Variants in SIK3 observed in about 807,000 individuals in gnomAD.
SIK3 encodes the protein SIK family kinase 3.
Under a neutral mutation model 144.2 loss-of-function variants are expected in SIK3, and 28 were observed. The observed-to-expected ratio is 0.19, with a 90% CI of 0.14 to 0.27. The LOEUF (loss-of-function observed/expected upper bound fraction) is 0.27. SIK3 is among the 10% of genes least tolerant of loss of function. The pLI, the probability that SIK3 is intolerant of heterozygous loss-of-function variation, is 1.00. For synonymous variants in SIK3, 686 were observed against 676.3 expected (o/e 1.01, Z -0.22); for missense variants, 1,319 against 1,776.0 (o/e 0.74, Z 4.62).
chr11:117,022,196 T>C (rs1951808710), intron 1 of SIK3, among the ~76,000 whole-genome samples: 1 of 152,058 alleles, frequency 6.6e-6, no homozygotes, highest in South Asian at 2.1e-4. Context: ...TGTCTAGAGA[T>C]TGACTGGAAA....
chr11:116,882,516 G>A (rs1046124921), intron 6 of SIK3, among the ~76,000 whole-genome samples: 4 of 152,160 alleles, frequency 2.6e-5, no homozygotes, highest in Non-Finnish European at 4.4e-5. Flanking sequence ...ACAGAACATG[G>A]CAAAACAATC....
chr11:116,950,035 G>A, intron 3 of SIK3: 2 of 457,356 alleles, frequency 4.4e-6, no homozygotes, highest in Non-Finnish European at 8.9e-6. Flanking sequence ...GCAGCCTGGG[G>A]TCCTCTCAGC....
At chr11:117,042,795 G>C (rs1294360495) in intron 1 of SIK3, among the ~76,000 whole-genome samples, 1 of 152,172 alleles carries the variant, frequency 6.6e-6, no homozygotes, top group Non-Finnish European at 1.5e-5. Flanking sequence ...AAAATGTTAA[G>C]ACTCATTCAA....
chr11:117,030,992 A>G (rs1214202686), intron 1 of SIK3, among the ~76,000 whole-genome samples: 1 of 152,062 alleles, frequency 6.6e-6, no homozygotes, highest in Non-Finnish European at 1.5e-5. Context: ...CTGTTTTCTA[A>G]TTGGATTACT....
chr11:117,030,261 G>A (rs1164120099), intron 1 of SIK3, among the ~76,000 whole-genome samples: 1 of 152,174 alleles, frequency 6.6e-6, no homozygotes, highest in Non-Finnish European at 1.5e-5. Flanking sequence ...CTCTAAGAAT[G>A]TATTGTAAGG....
At chr11:116,997,570 T>G (rs1353686020) in intron 1 of SIK3, among the ~76,000 whole-genome samples, 1 of 152,246 alleles carries the variant, frequency 6.6e-6, no homozygotes, top group African/African-American at 2.4e-5. Flanking sequence ...TTTATTAATT[T>G]ATATTTTGCT....
At chr11:116,946,482 A>G (rs1480890940) in intron 3 of SIK3, among the ~76,000 whole-genome samples, 1 of 152,164 alleles carries the variant, frequency 6.6e-6, no homozygotes, top group African/African-American at 2.4e-5. Context: ...AGTCGGGTCC[A>G]TTATAGGAGA....
chr11:117,072,638 A>C (rs1351452), intron 1 of SIK3, among the ~76,000 whole-genome samples: 129,211 of 152,152 alleles, frequency 0.85, 55,489 homozygotes, highest in Non-Finnish European at 0.89. Context: ...GAAAATGTGA[A>C]TGGGTTATCA....
At chr11:116,962,339 G>A (rs56134734) in intron 1 of SIK3, among the ~76,000 whole-genome samples, 24,655 of 152,130 alleles carry the variant, frequency 0.16, 2,118 homozygotes, top group Admixed American at 0.21. Flanking sequence ...ACGAGAAAGA[G>A]GATCTCCTTA....
Position 116,858,378 on chromosome 11 carries a change from G to A in SIK3, c.3087C>T (p.Gly1029=). The A allele has an allele frequency of 6.2e-7, 1 of 1,613,738 alleles. No homozygotes were observed. The highest frequency in any genetic ancestry group is 8.5e-7 in the Non-Finnish European group (1 of 1,179,828). The change falls in exon 21 of 25, where the codon GGC becomes GGT. Residue 1029 remains glycine (G), a synonymous_variant. Coordinates refer to ENST00000445177, the MANE Select transcript of SIK3 (RefSeq NM_001366686.3). This position sits in a 1 kb window ranked among gnomAD's most constrained non-coding sequence, Gnocchi z 5.4. ...GLLSPRHSLT[G]HSDIRLPPTE... is the part of the protein sequence containing the mutation. ...TTGGGGGCAGCCGGATGTCCGAGTG[G>A]CCGGTGAGCGAATGCCGGGGAGAAA...
intron 3 of SIK3, among the ~76,000 whole-genome samples, chr11:116,945,195 G>A (rs569809979): frequency 1.3e-5 from 2 of 151,748 alleles, no homozygotes; most frequent in Admixed American, 1.3e-4. Context: ...TCCTGACCTC[G>A]TGATCCGCCC....
chr11:116,948,321 A>T (rs1408806116), intron 3 of SIK3, among the ~76,000 whole-genome samples: 1 of 152,022 alleles, frequency 6.6e-6, no homozygotes, highest in East Asian at 1.9e-4. Context: ...TCTGTTGCCC[A>T]GGCTGAAATG....
intron 11 of SIK3, 115 bp from the exon 12 acceptor site, chr11:116,874,171 G>T (rs1944121876): frequency 9.2e-7 from 1 of 1,085,708 alleles, no homozygotes; most frequent in Non-Finnish European, 1.3e-6. Flanking sequence ...TTTTCTTCCT[G>T]AATTTATGTT....
chr11:116,894,920 A>G (rs972241280), intron 6 of SIK3, among the ~76,000 whole-genome samples: 9 of 152,238 alleles, frequency 5.9e-5, no homozygotes, highest in Non-Finnish European at 1.3e-4. Context: ...CCTACCGGCA[A>G]CATAGCAGCC....
rs1374912612 is a variant in SIK3, at chr11:117,082,120, C to CA, written c.273+16022dup. Among the ~76,000 whole-genome samples the CA allele has an allele frequency of 5.3e-5, 8 of 151,480 alleles. No homozygotes were observed. The East Asian group carries it at 7.7e-4, about 15-fold the overall frequency. ...TCACATCCACTAGGATGGCTAAAAT[C>CA]AAAAAAAAGAAAATAAGTTTTGGAT... is the stretch of plus-strand genomic sequence containing the variant. On this transcript the variant is annotated intron_variant, in intron 1 of 24. Coordinates refer to ENST00000445177, the MANE Select transcript of SIK3 (RefSeq NM_001366686.3).
intron 3 of SIK3, among the ~76,000 whole-genome samples, chr11:116,936,460 G>A (rs1012934312): frequency 6.6e-6 from 1 of 152,196 alleles, no homozygotes; most frequent in African/African-American, 2.4e-5. Flanking sequence ...ACAGGCGTGA[G>A]CCACAGCACC....
At chr11:116,931,984 C>T (rs1367185108) in intron 3 of SIK3, among the ~76,000 whole-genome samples, 1 of 152,208 alleles carries the variant, frequency 6.6e-6, no homozygotes, top group East Asian at 1.9e-4. Context: ...GTTGCTGCTT[C>T]TTGTTACTAT....
chr11:117,079,234 G>A (rs1277072610), intron 1 of SIK3, among the ~76,000 whole-genome samples: 1 of 152,200 alleles, frequency 6.6e-6, no homozygotes, highest in Non-Finnish European at 1.5e-5. Flanking sequence ...AATTAAAGCT[G>A]TACAGTATCA....
chr11:116,954,080 G>A lies in SIK3; in HGVS notation c.418C>T (p.Leu140=). 6.2e-7 allele frequency: 1 copy of A among 1,614,010 alleles called. No individual in the cohort carries two copies. Among genetic ancestry groups the A allele is most frequent in the Non-Finnish European group, 8.5e-7 (1 of 1,179,956 alleles). The change falls in exon 3 of 25, where the codon CTG becomes TTG. Residue 140 remains leucine, a synonymous_variant. Transcript: ENST00000445177. ...CCTCCACTAGCATATTCTGTCACCA[G>A]ATAAATCATCCGTTCTGTCTCCATA... ...QVMETERMIY[L]VTEYASGGEI...
Sources: gnomAD v4.1 joint callset for allele counts (sites outside exome capture counted in the v4.1 genomes callset) on GRCh38, gnomAD v4.1.1 for gene constraint, Gnocchi (gnomAD v3.1) non-coding constraint, MANE v1.5 for transcripts, NCBI Gene and HGNC (gene_info 2026-07-23, HGNC 2026-07-21) for gene names.